ZBTB40: variants seen among roughly 807,000 people sequenced by gnomAD.
The protein encoded by ZBTB40 is zinc finger and BTB domain containing 40.
ZBTB40 carries 60 observed loss-of-function variants against 117.5 expected under a neutral mutation model. The observed-to-expected ratio is 0.51, with a 90% CI of 0.41 to 0.63. The LOEUF is 0.63. Ranked by LOEUF, ZBTB40 falls within the 30% of genes least tolerant of loss-of-function variation. The probability of loss-of-function intolerance (pLI) is 0.00; values close to 1 mark genes in which losing one functional copy is unlikely to be tolerated. For missense variants in ZBTB40, 1,287 were observed against 1,498.5 expected (o/e 0.86, Z 2.33); for synonymous variants, 525 against 577.1 (o/e 0.91, Z 1.29).
At chr1:22,517,568 A>T in intron 13 of ZBTB40, 104 bp downstream of exon 13, 2 of 1,387,508 alleles carry the variant, frequency 1.4e-6, no homozygotes, top group Non-Finnish European at 1.9e-6. Flanking sequence ...AGCTCCATTC[A>T]GTGCATTCCC....
At chr1:22,458,029 A>T (rs1377857199) in intron 1 of ZBTB40, among the ~76,000 whole-genome samples, 1 of 152,208 alleles carries the variant, frequency 6.6e-6, no homozygotes, top group Non-Finnish European at 1.5e-5. Context: ...AAAGGCAGAA[A>T]CCTGGGAATG....
chr1:22,520,291 A>G lies in ZBTB40; in HGVS notation c.3048+16A>G, dbSNP rs933928920. The G allele has an allele frequency of 1.2e-6, 2 of 1,604,010 alleles. No individual in the cohort carries two copies. Among genetic ancestry groups the G allele is most frequent in the Admixed American group, 1.7e-5 (1 of 59,980 alleles). On this transcript the variant is annotated intron_variant, in intron 14 of 17. Transcript: ENST00000375647. ...GGCCTACCAGGTGACCTCAGGTGCC[A>G]CTGGGAGCTCTTCCCCTCACCCCTG...
At chr1:22,511,155 C>T (rs770474030) in intron 9 of ZBTB40, 24 bp from the exon 10 acceptor site, 2 of 1,611,742 alleles carry the variant, frequency 1.2e-6, no homozygotes, top group Non-Finnish European at 1.7e-6. Flanking sequence ...AACCCCACAC[C>T]TTTGTCTCCT....
Position 22,514,766 on chromosome 1 carries a change from A to G in ZBTB40, c.2668+1636A>G, listed in dbSNP as rs533926084. The stretch of plus-strand genomic sequence containing the variant: ...TTTCTGCTTAGTCTTCCCTGTTAGA[A>G]TGCAAGTGTCATGAGTGGCAAGCTG... On this transcript the variant is annotated intron_variant, in intron 12 of 17. Transcript: ENST00000375647. Among the ~76,000 whole-genome samples, 30 of 152,310 alleles carry G rather than the reference A, an allele frequency of 2.0e-4. 1 individual carries two copies. The South Asian group carries it at 6.2e-3, about 32-fold the overall frequency.
intron 1 of ZBTB40, among the ~76,000 whole-genome samples, chr1:22,468,699 C>T (rs1476295307): frequency 8.1e-6 from 1 of 122,974 alleles, no homozygotes; most frequent in Non-Finnish European, 1.6e-5. Flanking sequence ...GGGTCTCACT[C>T]TGTTGCTTAA....
chr1:22,474,051 A>C (rs1174775974), intron 1 of ZBTB40, among the ~76,000 whole-genome samples: 1 of 152,202 alleles, frequency 6.6e-6, no homozygotes, highest in Non-Finnish European at 1.5e-5. Context: ...CTCACTAGAC[A>C]GCCTCCCAAA....
At chr1:22,496,593 A>G (rs1638781156) in intron 3 of ZBTB40, among the ~76,000 whole-genome samples, 1 of 152,214 alleles carries the variant, frequency 6.6e-6, no homozygotes, top group South Asian at 2.1e-4. Flanking sequence ...TGGCTTATGC[A>G]AAAAGTTAAC....
At chr1:22,501,717 G>C (rs763857803) in intron 4 of ZBTB40, 33 bp downstream of exon 4, 10 of 1,605,294 alleles carry the variant, frequency 6.2e-6, no homozygotes, top group Non-Finnish European at 8.5e-6. Context: ...GGAATGGCAG[G>C]GTTTTATTTT....
chr1:22,449,185 C>G (rs1050891430), upstream of ZBTB40, among the ~76,000 whole-genome samples: 4 of 152,148 alleles, frequency 2.6e-5, no homozygotes, highest in African/African-American at 9.7e-5. Context: ...AGTAGTCACT[C>G]TGGAAACAGC....
chr1:22,521,023 G>C (rs146547524), intron 14 of ZBTB40, among the ~76,000 whole-genome samples: 25 of 152,362 alleles, frequency 1.6e-4, no homozygotes, highest in Middle Eastern at 3.4e-3. Flanking sequence ...TATGGGGCAA[G>C]GGCAGTGTGC....
chr1:22,434,268 GTC>G (rs371196422), intron 1 of ZBTB40, among the ~76,000 whole-genome samples: 1 of 152,104 alleles, frequency 6.6e-6, no homozygotes, highest in Non-Finnish European at 1.5e-5. Flanking sequence ...GCTTCTTTGT[GTC>G]TCTGCTCATT....
chr1:22,454,597 G>C (rs1358248517), intron 1 of ZBTB40, among the ~76,000 whole-genome samples: 4 of 152,214 alleles, frequency 2.6e-5, no homozygotes, highest in African/African-American at 9.7e-5. Flanking sequence ...CTTTTCAGCA[G>C]GTTCAGAGAC....
At chr1:22,481,343 C>A (rs1350721689) in intron 1 of ZBTB40, among the ~76,000 whole-genome samples, 5 of 152,066 alleles carry the variant, frequency 3.3e-5, no homozygotes, top group Non-Finnish European at 7.4e-5. Context: ...ATTATGTAGC[C>A]ATTGACCACC....
intron 1 of ZBTB40, among the ~76,000 whole-genome samples, chr1:22,471,515 A>G (rs1419539553): frequency 6.6e-6 from 1 of 152,258 alleles, no homozygotes; most frequent in African/African-American, 2.4e-5. Flanking sequence ...AAATAGGGAT[A>G]TAATGGTATC....
intron 3 of ZBTB40, among the ~76,000 whole-genome samples, chr1:22,500,638 C>G (rs997471739): frequency 6.6e-6 from 1 of 152,166 alleles, no homozygotes; most frequent in African/African-American, 2.4e-5. Flanking sequence ...GAGGCACTGC[C>G]AAGTGCCACC....
At position 22,490,448 on chromosome 1, in the gene ZBTB40, C is replaced by T; in HGVS notation, c.500C>T (p.Pro167Leu). ...TCTTCCCCAGAGCTTGCTGCCACTCCAGGGGGCCCTGTGAAAGCTGAGACT... is the reference window on the plus strand; with the variant it reads ...TCTTCCCCAGAGCTTGCTGCCACTCTAGGGGGCCCTGTGAAAGCTGAGACT... ...PHSSPELAATPGGPVKAETEE... is the reference protein window; with the variant it reads ...PHSSPELAATLGGPVKAETEE... Residue 167 changes from proline (P) to leucine (L), a missense_variant, in exon 2 of 18, where the codon CCA becomes CTA. By Grantham distance (98) the Pro-to-Leu change is moderately conservative (BLOSUM62 -3). Transcript: ENST00000375647. 1 of 1,603,498 alleles carries T rather than the reference C, an allele frequency of 6.2e-7. No homozygotes were observed. The highest frequency in any genetic ancestry group is 8.5e-7 in the Non-Finnish European group (1 of 1,173,984).
At chr1:22,486,490 C>T (rs376380264) in intron 1 of ZBTB40, among the ~76,000 whole-genome samples, 1 of 152,214 alleles carries the variant, frequency 6.6e-6, no homozygotes, top group Non-Finnish European at 1.5e-5. Context: ...TTTTCCCTCT[C>T]CCGCTGCTGG....
intron 3 of ZBTB40, among the ~76,000 whole-genome samples, chr1:22,499,781 G>A (rs1638875911): frequency 6.6e-6 from 1 of 152,138 alleles, no homozygotes; most frequent in African/African-American, 2.4e-5. Flanking sequence ...GGTCTAACTC[G>A]TTTATAATTT....
upstream of ZBTB40, among the ~76,000 whole-genome samples, chr1:22,447,953 A>G (rs1251798108): frequency 6.6e-6 from 1 of 152,244 alleles, no homozygotes; most frequent in Non-Finnish European, 1.5e-5. Context: ...AATAAAAAGC[A>G]TATGTCGAGC....
Sources: gnomAD v4.1 joint callset for allele counts (sites outside exome capture counted in the v4.1 genomes callset) on GRCh38, gnomAD v4.1.1 for gene constraint, MANE v1.5 for transcripts, NCBI Gene and HGNC (gene_info 2026-07-23, HGNC 2026-07-21) for gene names.